The following FCHSD2 variants were observed in gnomAD, a reference collection of about 807,000 sequenced individuals.
The protein encoded by FCHSD2 is F-BAR and double SH3 domains protein 2.
Under a neutral mutation model 108.1 loss-of-function variants are expected in FCHSD2, and 38 were observed. The observed-to-expected ratio is 0.35, with a 90% CI of 0.27 to 0.46. FCHSD2 has a LOEUF of 0.46. FCHSD2 is among the 20% of genes least tolerant of loss of function. The pLI is 1.00. For synonymous variants in FCHSD2, 279 were observed against 314.7 expected, an observed-to-expected ratio of 0.89 and a Z score of 1.20; for missense variants, 751 against 897.8, an observed-to-expected ratio of 0.84 and a Z score of 2.09.
At chr11:72,952,708 T>C (rs1445692481) in intron 8 of FCHSD2, among the ~76,000 whole-genome samples, 1 of 152,138 alleles carries the variant, frequency 6.6e-6, no homozygotes, top group Non-Finnish European at 1.5e-5. Flanking sequence ...TATGGATTAG[T>C]GGAAGATAAG....
rs545932522 is a variant in FCHSD2 at position 73,002,900 on chromosome 11, C to G, written c.243-1766G>C. On this transcript the variant is annotated intron_variant, in intron 4 of 19. Coordinates refer to ENST00000409418, the MANE Select transcript of FCHSD2 (RefSeq NM_014824.3). ...TAATTGTTTATTAACATCTGTCCCT[C>G]TCACTATAGTGAAAGCTCCATGAAG... Among the ~76,000 whole-genome samples the G allele has an allele frequency of 4.3e-4, 65 of 152,308 alleles. No individual in the cohort carries two copies. In the South Asian group the frequency reaches 0.011, roughly 25 times the overall value.
At chr11:73,135,559 T>C (rs1399451144) in intron 2 of FCHSD2, among the ~76,000 whole-genome samples, 1 of 152,160 alleles carries the variant, frequency 6.6e-6, no homozygotes, top group Non-Finnish European at 1.5e-5. Context: ...AGAAACTTAT[T>C]GTAAGTGGTC....
chr11:73,063,624 A>AT (rs58432383), intron 3 of FCHSD2, among the ~76,000 whole-genome samples: 1 of 152,158 alleles, frequency 6.6e-6, no homozygotes, highest in Non-Finnish European at 1.5e-5. Flanking sequence ...GCAAAAAAAA[A>AT]GCAGGAGTTG....
At chr11:72,998,441 C>T (rs2135414809) in intron 5 of FCHSD2, among the ~76,000 whole-genome samples, 1 of 152,150 alleles carries the variant, frequency 6.6e-6, no homozygotes. Context: ...ACTCAGGAGA[C>T]TGGGGTGGGA....
chr11:73,015,520 T>C (rs1195188839), intron 4 of FCHSD2, among the ~76,000 whole-genome samples: 3 of 152,164 alleles, frequency 2.0e-5, no homozygotes, highest in African/African-American at 4.8e-5. Context: ...TTGTGTTCCA[T>C]TGTCACCTGC....
At chr11:72,949,127 C>A (rs1856575485) in intron 8 of FCHSD2, among the ~76,000 whole-genome samples, 1 of 152,052 alleles carries the variant, frequency 6.6e-6, no homozygotes, top group Non-Finnish European at 1.5e-5. Flanking sequence ...ATCACCATTA[C>A]CTAATTCCAG....
chr11:72,989,226 C>G, intron 5 of FCHSD2, 129 bp from the exon 6 acceptor site: 3 of 600,908 alleles, frequency 5.0e-6, no homozygotes, highest in Non-Finnish European at 8.3e-6. Context: ...CGTTCAGTGT[C>G]CTTCAAATTG....
intron 19 of FCHSD2, among the ~76,000 whole-genome samples, chr11:72,839,506 G>A (rs993279743): frequency 6.6e-6 from 1 of 152,162 alleles, no homozygotes; most frequent in South Asian, 2.1e-4. Flanking sequence ...GCCCAAACGA[G>A]GGTACTGGCA....
At chr11:73,011,148 T>C (rs1255786252) in intron 4 of FCHSD2, among the ~76,000 whole-genome samples, 3 of 152,132 alleles carry the variant, frequency 2.0e-5, no homozygotes, top group African/African-American at 7.2e-5. Context: ...CTAGCCTGTG[T>C]GCTCTGGCAT....
At chr11:72,896,031 A>G (rs17310235) in intron 10 of FCHSD2, among the ~76,000 whole-genome samples, 34,196 of 152,120 alleles carry the variant, frequency 0.22, 4,627 homozygotes, top group Middle Eastern at 0.38. Context: ...TTTGCCAAAT[A>G]TTTTTTTAAT....
At chr11:73,119,302 CAA>C (rs879738413) in intron 2 of FCHSD2, among the ~76,000 whole-genome samples, 25 of 103,920 alleles carry the variant, frequency 2.4e-4, no homozygotes, top group Admixed American at 3.1e-4. Context: ...GACTCTGCCT[CAA>C]AAAAAAAAAA....
chr11:73,003,687 C>T (rs1015129007), intron 4 of FCHSD2, among the ~76,000 whole-genome samples: 3 of 151,226 alleles, frequency 2.0e-5, no homozygotes, highest in Admixed American at 2.0e-4. Flanking sequence ...GGGGTTTCAC[C>T]GTTTTAGCCG....
At chr11:73,086,010 G>C (rs1406758575) in intron 2 of FCHSD2, among the ~76,000 whole-genome samples, 1 of 152,138 alleles carries the variant, frequency 6.6e-6, no homozygotes, top group East Asian at 1.9e-4. Flanking sequence ...AAGAATTAAA[G>C]GGCAAAATGG....
In FCHSD2 at chr11:73,091,484, G is replaced by C. The variant is rs577753969; in HGVS notation, c.120-7744C>G. ...GAATCACTTGAACCCGGGAGGCAGAGGTTGCAGTGAGCCGAGATCATGCCA... is the reference window on the plus strand; with the variant it reads ...GAATCACTTGAACCCGGGAGGCAGACGTTGCAGTGAGCCGAGATCATGCCA... On this transcript the variant is annotated intron_variant, in intron 2 of 19. Transcript: ENST00000409418. Among the ~76,000 whole-genome samples, 13 of 152,238 alleles carry C rather than the reference G, an allele frequency of 8.5e-5. No homozygotes were observed. The South Asian group carries it at 2.7e-3, about 32-fold the overall frequency.
chr11:73,080,288 C>A (rs1859651137), intron 3 of FCHSD2, among the ~76,000 whole-genome samples: 1 of 139,108 alleles, frequency 7.2e-6, no homozygotes, highest in Admixed American at 7.3e-5. Context: ...TAGAGCAAGA[C>A]CCTGTCTCAA....
At chr11:72,989,566 T>C (rs113569546) in intron 5 of FCHSD2, among the ~76,000 whole-genome samples, 25 of 152,318 alleles carry the variant, frequency 1.6e-4, no homozygotes, top group African/African-American at 5.1e-4. Context: ...GTAGTCTGAC[T>C]TGGTAAGTCC....
chr11:72,980,128 C>T (rs575941740), intron 8 of FCHSD2, among the ~76,000 whole-genome samples: 4 of 152,134 alleles, frequency 2.6e-5, no homozygotes, highest in African/African-American at 4.8e-5. Context: ...TGTCTTCCAA[C>T]GGTTTCTATC....
chr11:73,017,194 T>C (rs935279076), intron 3 of FCHSD2, among the ~76,000 whole-genome samples: 1 of 152,068 alleles, frequency 6.6e-6, no homozygotes, highest in African/African-American at 2.4e-5. Context: ...ATGTTGCCCA[T>C]GGCTCAACTC....
intron 3 of FCHSD2, among the ~76,000 whole-genome samples, chr11:73,025,903 G>C (rs1432981006): frequency 6.6e-6 from 1 of 151,844 alleles, no homozygotes; most frequent in South Asian, 2.1e-4. Flanking sequence ...AGGTATGTGT[G>C]GTATATATAC....
Sources: gnomAD v4.1 joint callset for allele counts (sites outside exome capture counted in the v4.1 genomes callset) on GRCh38, gnomAD v4.1.1 for gene constraint, MANE v1.5 for transcripts, NCBI Gene and HGNC (gene_info 2026-07-23, HGNC 2026-07-21) for gene names.